CMIP: variants seen among roughly 807,000 people sequenced by gnomAD.
CMIP encodes the protein c-Maf inducing protein, also known as C-Maf-inducing protein.
CMIP carries 13 observed loss-of-function variants against 97.3 expected under a neutral mutation model. The observed-to-expected ratio is 0.13, with a 90% confidence interval of 0.09 to 0.21. The LOEUF (loss-of-function observed/expected upper bound fraction) is 0.21, where lower values mean the gene tolerates loss of function less well. Ranked by LOEUF, CMIP falls within the 10% of genes least tolerant of loss-of-function variation. The pLI, the probability that CMIP is intolerant of heterozygous loss-of-function variation, is 1.00. For synonymous variants in CMIP, 538 were observed against 436.3 expected (o/e 1.23, Z -2.91); for missense variants, 847 against 1,024.9 (o/e 0.83, Z 2.37).
At chr16:81,476,516 C>T in intron 1 of CMIP, 1 of 677,132 alleles carries the variant, frequency 1.5e-6, no homozygotes, top group Admixed American at 1.9e-5. Context: ...GTGGGGTTGA[C>T]CATGGCTGAT....
intron 3 of CMIP, among the ~76,000 whole-genome samples, chr16:81,644,683 A>G (rs1395025691): frequency 6.6e-6 from 1 of 152,250 alleles, no homozygotes; most frequent in Non-Finnish European, 1.5e-5. Flanking sequence ...CACACTTAGC[A>G]TCTGCAGCCA....
At chr16:81,474,970 G>C (rs959952384) in intron 1 of CMIP, among the ~76,000 whole-genome samples, 4 of 152,206 alleles carry the variant, frequency 2.6e-5, no homozygotes, top group African/African-American at 9.7e-5. Context: ...GGAAGGTTTG[G>C]GATGTCACTT....
chr16:81,523,323 A>G (rs1011061557), intron 1 of CMIP, among the ~76,000 whole-genome samples: 2 of 152,106 alleles, frequency 1.3e-5, no homozygotes, highest in Non-Finnish European at 2.9e-5. Context: ...TATCTAGTTC[A>G]TTTCTTTTGA....
chr16:81,609,166 C>T (rs1364995882), intron 2 of CMIP, among the ~76,000 whole-genome samples: 1 of 151,900 alleles, frequency 6.6e-6, no homozygotes, highest in African/African-American at 2.4e-5. Flanking sequence ...TGTCCCCACA[C>T]CCCCACACTG....
chr16:81,466,073 T>A (rs189718458), intron 1 of CMIP, among the ~76,000 whole-genome samples: 389 of 152,294 alleles, frequency 2.6e-3, no homozygotes, highest in Non-Finnish European at 4.1e-3. Flanking sequence ...TTTGTCTTAT[T>A]TTTTTGAGGT....
intron 1 of CMIP, among the ~76,000 whole-genome samples, chr16:81,463,492 A>C (rs998411609): frequency 6.6e-6 from 1 of 152,018 alleles, no homozygotes; most frequent in African/African-American, 2.4e-5. Context: ...TGTGGTTTTT[A>C]TTCTCAGATT....
intron 1 of CMIP, among the ~76,000 whole-genome samples, chr16:81,556,934 G>A (rs556375079): frequency 3.3e-5 from 5 of 152,208 alleles, no homozygotes; most frequent in Admixed American, 6.5e-5. Flanking sequence ...AAGGAGGCGC[G>A]ATGACTCAAT....
intron 18 of CMIP, 102 bp from the exon 19 acceptor site, chr16:81,705,397 G>A (rs1373851509): frequency 2.4e-6 from 2 of 835,162 alleles, no homozygotes; most frequent in African/African-American, 1.7e-5. Context: ...GGGCCTCAGA[G>A]CCAGGCTCTG....
chr16:81,463,524 C>T (rs954362346), intron 1 of CMIP, among the ~76,000 whole-genome samples: 6 of 152,204 alleles, frequency 3.9e-5, no homozygotes, highest in African/African-American at 1.2e-4. Context: ...GCGTGCTGTG[C>T]GCATGGAGTC....
At chr16:81,489,840 C>T (rs577872763) in intron 1 of CMIP, among the ~76,000 whole-genome samples, 5 of 152,226 alleles carry the variant, frequency 3.3e-5, no homozygotes, top group Non-Finnish European at 7.3e-5. Flanking sequence ...AGGAGAGTCT[C>T]GGGAACTTCC....
intron 3 of CMIP, among the ~76,000 whole-genome samples, chr16:81,636,019 C>A (rs2092229938): frequency 6.6e-6 from 1 of 152,052 alleles, no homozygotes; most frequent in African/African-American, 2.4e-5. Context: ...AGAAGAAAGC[C>A]AGCATGTATG....
At chr16:81,445,586 C>T in intron 1 of CMIP, 45 bp downstream of exon 1, 1 of 1,518,408 alleles carries the variant, frequency 6.6e-7, no homozygotes, top group Non-Finnish European at 8.8e-7. Flanking sequence ...CCTCGGGGCC[C>T]GAGATGCGCC....
chr16:81,659,609 T>C (rs1432632660), intron 5 of CMIP, among the ~76,000 whole-genome samples: 1 of 152,170 alleles, frequency 6.6e-6, no homozygotes, highest in Non-Finnish European at 1.5e-5. Flanking sequence ...AGGTACTGCC[T>C]TCCTCTCCCT....
intron 1 of CMIP, among the ~76,000 whole-genome samples, chr16:81,526,476 G>GT (rs1302256587): frequency 1.1e-4 from 16 of 152,146 alleles, no homozygotes; most frequent in Non-Finnish European, 1.8e-4. Context: ...ACATTCATCA[G>GT]TACCCCAAAG....
At chr16:81,476,495 C>T (rs1597460831) in intron 1 of CMIP, 1 of 718,096 alleles carries the variant, frequency 1.4e-6, no homozygotes, top group Admixed American at 1.8e-5. Flanking sequence ...ACAGCGATGT[C>T]AGAGAACACA....
Position 81,656,268 on chromosome 16 carries a change from C to G in CMIP, c.640-1507C>G, listed in dbSNP as rs147071476. ...GCAAATTCATAGCTCGCAAGCTTTT[C>G]TTTTGCCTTGGCTTCTGTAAACACA... On this transcript the variant is annotated intron_variant, in intron 4 of 20. Transcript: ENST00000537098. Among the ~76,000 whole-genome samples, 11 of 152,326 alleles carry G rather than the reference C, an allele frequency of 7.2e-5. No individual in the cohort carries two copies. The East Asian group carries it at 2.1e-3, about 29-fold the overall frequency.
chr16:81,498,539 C>T (rs542357389), intron 1 of CMIP, among the ~76,000 whole-genome samples: 2 of 152,356 alleles, frequency 1.3e-5, no homozygotes, highest in African/African-American at 2.4e-5. Context: ...TCGCGCCTCA[C>T]TCTGAGAGGG....
chr16:81,628,112 A>C (rs2092099956), intron 3 of CMIP, among the ~76,000 whole-genome samples: 1 of 151,978 alleles, frequency 6.6e-6, no homozygotes, highest in Non-Finnish European at 1.5e-5. Flanking sequence ...AGAAGGGGGG[A>C]TCCCTACAAA....
chr16:81,695,917 GGAGA>G (rs35257343), intron 13 of CMIP: 9 of 150,334 alleles, frequency 6.0e-5, no homozygotes, highest in Non-Finnish European at 1.2e-4. Flanking sequence ...CCAAAGAGGG[GGAGA>G]GAGAGAGAGA....
Sources: gnomAD v4.1 joint callset for allele counts (sites outside exome capture counted in the v4.1 genomes callset) on GRCh38, gnomAD v4.1.1 for gene constraint, MANE v1.5 for transcripts, NCBI Gene and HGNC (gene_info 2026-07-23, HGNC 2026-07-21) for gene names.